Variants in BNC2 observed in about 807,000 individuals in gnomAD.
BNC2 encodes zinc finger protein basonuclin-2.
In BNC2, 20 loss-of-function variants were observed where a neutral mutation model predicts 76.3. The ratio of observed to expected loss-of-function variants is 0.26; its 90% confidence interval spans 0.18 to 0.38. The LOEUF is 0.38. BNC2 is among the 10% of genes least tolerant of loss of function. BNC2 has a pLI of 1.00. For missense variants in BNC2, 1,382 were observed against 1,399.8 expected, an observed-to-expected ratio of 0.99 and a Z score of 0.20; for synonymous variants, 582 against 514.8, an observed-to-expected ratio of 1.13 and a Z score of -1.77.
At chr9:16,718,090 G>T (rs770948818) in intron 3 of BNC2, among the ~76,000 whole-genome samples, 1 of 152,158 alleles carries the variant, frequency 6.6e-6, no homozygotes, top group African/African-American at 2.4e-5. Flanking sequence ...CCTATCAACA[G>T]ATTAACACTT....
At chr9:16,663,423 T>C (rs978497745) in intron 3 of BNC2, among the ~76,000 whole-genome samples, 45 of 152,088 alleles carry the variant, frequency 3.0e-4, no homozygotes, top group African/African-American at 9.7e-4. Context: ...CTACCATGCC[T>C]GGCCCACTCT....
intron 6 of BNC2, among the ~76,000 whole-genome samples, chr9:16,428,311 C>A (rs374859793): frequency 6.6e-6 from 1 of 152,152 alleles, no homozygotes. Flanking sequence ...AGAGTTAGAG[C>A]GGCTCCCCTC....
chr9:16,869,713 T>A (rs905768810), intron 1 of BNC2, among the ~76,000 whole-genome samples: 1 of 152,168 alleles, frequency 6.6e-6, no homozygotes, highest in Non-Finnish European at 1.5e-5. Context: ...GAGCGGCTCA[T>A]CACCAGGCGA....
chr9:16,753,143 A>T (rs1202540190), intron 1 of BNC2, among the ~76,000 whole-genome samples: 1 of 37,850 alleles, frequency 2.6e-5, no homozygotes, highest in Non-Finnish European at 9.0e-5. Context: ...CAGCAGTTTG[A>T]ATAGTAACAA....
chr9:16,542,824 AG>A (rs1172213230), intron 5 of BNC2, among the ~76,000 whole-genome samples: 1 of 152,248 alleles, frequency 6.6e-6, no homozygotes, highest in East Asian at 1.9e-4. Context: ...GTATGAATTT[AG>A]CAAAAGCTTC....
intron 3 of BNC2, among the ~76,000 whole-genome samples, chr9:16,587,267 A>T (rs1362977722): frequency 6.8e-6 from 1 of 147,764 alleles, no homozygotes; most frequent in Non-Finnish European, 1.5e-5. Flanking sequence ...AGGCTGGAGT[A>T]CAGTGGTGAG....
intron 5 of BNC2, among the ~76,000 whole-genome samples, chr9:16,465,469 G>T (rs12000878): frequency 6.8e-6 from 1 of 146,628 alleles, no homozygotes; most frequent in South Asian, 2.1e-4. Flanking sequence ...ATAACCGGTA[G>T]GGCCAGGCAA....
At position 16,434,974 on chromosome 9, in the gene BNC2, TAAAG is replaced by T. The variant is rs2130835626; in HGVS notation, c.2639+577_2639+580del. On this transcript the variant is annotated intron_variant, in intron 6 of 6. Coordinates refer to ENST00000380672, the MANE Select transcript of BNC2 (RefSeq NM_017637.6). ...TTCCTTCTGATATTTTCACAACTCT[TAAAG>T]AATTCAAGGACACACTAAATACTCA... 8.5e-6 allele frequency: 4 copies of T among 471,050 alleles called. No homozygotes were observed. In the East Asian group the frequency reaches 2.8e-4, roughly 33 times the overall value. The allele number at this position is 471,050 out of a possible 1,614,324, so 29.2% of individuals were successfully genotyped here.
intron 1 of BNC2, among the ~76,000 whole-genome samples, chr9:16,798,853 T>C (rs760957310): frequency 2.0e-5 from 3 of 151,980 alleles, no homozygotes; most frequent in Non-Finnish European, 4.4e-5. Context: ...GCACAAGTAA[T>C]GGCAACAATG....
At chr9:16,548,496 C>A (rs1328584382) in intron 5 of BNC2, among the ~76,000 whole-genome samples, 1 of 151,650 alleles carries the variant, frequency 6.6e-6, no homozygotes, top group South Asian at 2.1e-4. Flanking sequence ...ACCTCTGCTT[C>A]CCGGGTTCAA....
At chr9:16,586,636 C>T (rs1328802186) in intron 3 of BNC2, among the ~76,000 whole-genome samples, 1 of 152,078 alleles carries the variant, frequency 6.6e-6, no homozygotes, top group East Asian at 1.9e-4. Context: ...TAAATAAATA[C>T]AGGTGTTTCC....
intron 1 of BNC2, among the ~76,000 whole-genome samples, chr9:16,803,082 T>C (rs1045421049): frequency 3.9e-5 from 6 of 152,168 alleles, no homozygotes; most frequent in Non-Finnish European, 5.9e-5. Context: ...GTTTTAGTGA[T>C]TGTAGTTTTC....
Position 16,416,253 on chromosome 9 carries a change from A to G in BNC2, c.*2736T>C, listed in dbSNP as rs1820581875. On this transcript the variant is annotated 3_prime_UTR_variant, in exon 7 of 7. Coordinates refer to ENST00000380672, the MANE Select transcript of BNC2 (RefSeq NM_017637.6). The stretch of plus-strand genomic sequence containing the variant: ...GAAATAAAAATGTGTATTTATTTTC[A>G]TAAAACTACATGTAGTCTATGCACA... 1 of 152,560 alleles carries G rather than the reference A, an allele frequency of 6.6e-6. No homozygotes were observed. Among genetic ancestry groups the G allele is most frequent in the African/African-American group, 2.4e-5 (1 of 41,452 alleles). The allele number at this position is 152,560 out of a possible 1,614,324, so 9.5% of individuals were successfully genotyped here.
intron 5 of BNC2, among the ~76,000 whole-genome samples, chr9:16,498,115 GTATATATTCTATCATA>G (rs1326232091): frequency 1.1e-4 from 14 of 130,538 alleles, no homozygotes; most frequent in Admixed American, 2.3e-4. Context: ...TCTATCATAT[GTATATATTCTATCATA>G]TATATATTCT....
Position 16,482,171 on chromosome 9 carries a change from T to C in BNC2, c.670-44647A>G, listed in dbSNP as rs757718684. Among the ~76,000 whole-genome samples the C allele has an allele frequency of 5.6e-4, 85 of 152,196 alleles. 1 individual carries two copies. The highest frequency in any genetic ancestry group is 2.8e-4 in the Non-Finnish European group (19 of 68,020). On this transcript the variant is annotated intron_variant, in intron 5 of 6. Transcript: ENST00000380672. ...TTCACTGATACCACAGGGGAAATTATAGATCCATAATTGTGTTTTAATGTT... is the reference window on the plus strand; with the variant it reads ...TTCACTGATACCACAGGGGAAATTACAGATCCATAATTGTGTTTTAATGTT...
chr9:16,434,547 G>A (rs1015068891), intron 6 of BNC2, among the ~76,000 whole-genome samples: 7 of 152,194 alleles, frequency 4.6e-5, no homozygotes, highest in Non-Finnish European at 1.0e-4. Context: ...TGTGTGACCC[G>A]AGTTGGGCTG....
chr9:16,672,619 A>C (rs1822514105), intron 3 of BNC2, among the ~76,000 whole-genome samples: 1 of 152,248 alleles, frequency 6.6e-6, no homozygotes, highest in Non-Finnish European at 1.5e-5. Flanking sequence ...CACCCTATGC[A>C]TAATCCTAAA....
intron 3 of BNC2, among the ~76,000 whole-genome samples, chr9:16,682,705 GTACTGAAA>G (rs1364271708): frequency 6.6e-6 from 1 of 152,128 alleles, no homozygotes; most frequent in Admixed American, 6.5e-5. Context: ...GTCTAATCTA[GTACTGAAA>G]TATTGGTTCA....
chr9:16,575,430 G>T (rs141489723), intron 4 of BNC2: 1 of 985,234 alleles, frequency 1.0e-6, no homozygotes, highest in Non-Finnish European at 1.2e-6. Flanking sequence ...AGAAAATCTG[G>T]GGAGCTAATA....
Sources: gnomAD v4.1 joint callset for allele counts (sites outside exome capture counted in the v4.1 genomes callset) on GRCh38, gnomAD v4.1.1 for gene constraint, MANE v1.5 for transcripts, NCBI Gene and HGNC (gene_info 2026-07-23, HGNC 2026-07-21) for gene names.